The following PABPC4L variants were observed in gnomAD, a reference collection of about 807,000 sequenced individuals.
PABPC4L encodes the protein polyadenylate-binding protein 4-like.
For synonymous variants in PABPC4L, 169 were observed against 164.1 expected (o/e 1.03, Z -0.23); for missense variants, 452 against 451.4 (o/e 1.00, Z -0.01).
the PABPC4L span, among the ~76,000 whole-genome samples, chr4:133,996,002 G>A: frequency 6.6e-6 from 1 of 152,152 alleles, no homozygotes; most frequent in African/African-American, 2.4e-5. Flanking sequence ...TGATTGACTT[G>A]TTGATCTTGT....
the PABPC4L span, among the ~76,000 whole-genome samples, chr4:134,024,400 C>A: frequency 5.9e-5 from 9 of 152,244 alleles, no homozygotes; most frequent in Admixed American, 2.0e-4. Context: ...AGATCAGAAT[C>A]AAGGTCTTAT....
the PABPC4L span, among the ~76,000 whole-genome samples, chr4:133,987,727 C>T: frequency 1.3e-5 from 2 of 152,038 alleles, no homozygotes; most frequent in African/African-American, 4.8e-5. Flanking sequence ...TCAAAATGAA[C>T]TTCAAATTGT....
At chr4:133,950,920 G>T in the PABPC4L span, among the ~76,000 whole-genome samples, 1 of 152,132 alleles carries the variant, frequency 6.6e-6, no homozygotes, top group African/African-American at 2.4e-5. Context: ...ACTCTGTCCA[G>T]ATCTTTCCAA....
chr4:134,137,778 C>T, the PABPC4L span, among the ~76,000 whole-genome samples: 4 of 151,750 alleles, frequency 2.6e-5, no homozygotes, highest in African/African-American at 7.2e-5. Context: ...TTATGCAAAC[C>T]TCTTAACTAG....
the PABPC4L span, among the ~76,000 whole-genome samples, chr4:134,067,404 T>G: frequency 6.6e-6 from 1 of 152,116 alleles, no homozygotes; most frequent in Non-Finnish European, 1.5e-5. Context: ...TTGTGTTTAT[T>G]TGGATCTTCT....
chr4:134,054,025 G>T, the PABPC4L span, among the ~76,000 whole-genome samples: 1 of 151,342 alleles, frequency 6.6e-6, no homozygotes, highest in South Asian at 2.1e-4. Flanking sequence ...ATTCCTTCTG[G>T]TCATCTGCAG....
chr4:134,142,561 CAT>C, the PABPC4L span, among the ~76,000 whole-genome samples: 1 of 151,488 alleles, frequency 6.6e-6, no homozygotes, highest in Non-Finnish European at 1.5e-5. Context: ...TTCTATGCCT[CAT>C]ATAAATTTTT....
chr4:134,152,217 C>T, the PABPC4L span, among the ~76,000 whole-genome samples: 1 of 151,782 alleles, frequency 6.6e-6, no homozygotes, highest in Non-Finnish European at 1.5e-5. Context: ...AAGCTTTTAG[C>T]TTCTATAGCT....
the PABPC4L span, among the ~76,000 whole-genome samples, chr4:134,170,148 C>T: frequency 3.1e-3 from 478 of 152,224 alleles, no homozygotes; most frequent in Non-Finnish European, 4.6e-3. Flanking sequence ...ATTCGGTTTT[C>T]TGTTCCTGCA....
chr4:133,992,552 C>T, the PABPC4L span, among the ~76,000 whole-genome samples: 1 of 151,898 alleles, frequency 6.6e-6, no homozygotes, highest in Non-Finnish European at 1.5e-5. Flanking sequence ...AATGAGGGAC[C>T]CCATTGAGAG....
chr4:133,961,638 T>C, the PABPC4L span, among the ~76,000 whole-genome samples: 1 of 152,116 alleles, frequency 6.6e-6, no homozygotes, highest in Non-Finnish European at 1.5e-5. Context: ...AGCTCTGTTT[T>C]CACTTTATTA....
chr4:134,187,303 T>C, the PABPC4L span, among the ~76,000 whole-genome samples: 5 of 151,904 alleles, frequency 3.3e-5, no homozygotes, highest in Admixed American at 6.6e-5. Flanking sequence ...TAAATGTCCA[T>C]CAATGATAGA....
At chr4:134,042,774 G>A in the PABPC4L span, among the ~76,000 whole-genome samples, 1 of 152,050 alleles carries the variant, frequency 6.6e-6, no homozygotes, top group Non-Finnish European at 1.5e-5. Flanking sequence ...AAACAATAGT[G>A]AAGAAAAATT....
rs1436512467 is a variant in PABPC4L at position 134,198,583 on chromosome 4, C to T, written c.*1324G>A. The T allele has an allele frequency of 6.6e-6, 1 of 151,592 alleles. No individual in the cohort carries two copies. Among genetic ancestry groups the T allele is most frequent in the Non-Finnish European group, 1.5e-5 (1 of 67,720 alleles). The allele number at this position is 151,592 out of a possible 1,614,324, so 9.4% of individuals were successfully genotyped here. On this transcript the variant is annotated 3_prime_UTR_variant, in exon 2 of 2. Coordinates refer to ENST00000421491, the MANE Select transcript of PABPC4L (RefSeq NM_001114734.2). ...AATATGAAAACAGTAAAAACAAAAG[C>T]ACTTGCTTGCTAGATACCTTTGGTA...
At chr4:134,118,405 T>A in the PABPC4L span, among the ~76,000 whole-genome samples, 3 of 151,852 alleles carry the variant, frequency 2.0e-5, no homozygotes, top group African/African-American at 7.2e-5. Flanking sequence ...TTTTGATTAA[T>A]GAGAAATTAA....
At chr4:133,957,303 C>G in the PABPC4L span, among the ~76,000 whole-genome samples, 12 of 152,256 alleles carry the variant, frequency 7.9e-5, no homozygotes, top group Non-Finnish European at 1.8e-4. Context: ...AGTCCGAAAT[C>G]TAGTGGGGCA....
At chr4:133,973,092 C>T in the PABPC4L span, among the ~76,000 whole-genome samples, 1 of 152,058 alleles carries the variant, frequency 6.6e-6, no homozygotes, top group Non-Finnish European at 1.5e-5. Context: ...AGGTAGCCAA[C>T]AAGTTTACTG....
the PABPC4L span, among the ~76,000 whole-genome samples, chr4:134,116,032 A>C: frequency 1.3e-5 from 2 of 151,918 alleles, no homozygotes; most frequent in Admixed American, 1.3e-4. Context: ...TACTTGAAAA[A>C]TAAATGTATA....
At chr4:134,115,296 C>T in the PABPC4L span, among the ~76,000 whole-genome samples, 1 of 151,738 alleles carries the variant, frequency 6.6e-6, no homozygotes, top group Non-Finnish European at 1.5e-5. Flanking sequence ...GGCCTCTGTC[C>T]TCATTAAGCT....
Sources: allele counts gnomAD v4.1 joint callset (sites outside exome capture counted in the v4.1 genomes callset), GRCh38; gene constraint gnomAD v4.1.1; transcripts MANE v1.5; gene names NCBI Gene and HGNC (gene_info 2026-07-23, HGNC 2026-07-21).